Variants in ZBTB1 observed in about 807,000 individuals in gnomAD.
The protein encoded by ZBTB1 is zinc finger and BTB domain containing 1.
In ZBTB1, 13 loss-of-function variants were observed where a neutral mutation model predicts 51.6. That is an observed-to-expected ratio of 0.25 (90% CI 0.16 to 0.40). The LOEUF is 0.40. Ranked by LOEUF, ZBTB1 falls within the 10% of genes least tolerant of loss-of-function variation. The pLI is 1.00. For missense variants in ZBTB1, 567 were observed against 856.5 expected (o/e 0.66, Z 4.22); for synonymous variants, 240 against 282.2 (o/e 0.85, Z 1.50).
chr14:64,507,060 C>T, intron 1 of ZBTB1, among the ~76,000 whole-genome samples: 1 of 152,174 alleles, frequency 6.6e-6, no homozygotes, highest in East Asian at 1.9e-4. Context: ...GAAGTACCTG[C>T]TTTCAGACTT....
In ZBTB1 at chr14:64,504,773, G is replaced by C. The variant is rs2079611844; in HGVS notation, c.-192G>C. 1 of 378,878 alleles carries C rather than the reference G, an allele frequency of 2.6e-6. No individual in the cohort carries two copies. The highest frequency in any genetic ancestry group is 4.7e-6 in the Non-Finnish European group (1 of 213,550). 23.5% of individuals were successfully genotyped at this position (378,878 alleles called of 1,614,324 possible). ...TGTGCGGCAGCGGAAGTCCTTTGTT[G>C]CAGCACAGTCCCTGGCAGAGCCAGA... On this transcript the variant is annotated 5_prime_UTR_variant, in exon 1 of 2. Coordinates refer to ENST00000683701, the MANE Select transcript of ZBTB1 (RefSeq NM_001123329.2).
At chr14:64,503,944 C>A (rs1453006), upstream of ZBTB1, 1 of 152,170 alleles carries the variant, frequency 6.6e-6, no homozygotes, top group African/African-American at 2.4e-5. Context: ...CTCTGAGTGC[C>A]GCCGCCACAG....
downstream of ZBTB1, among the ~76,000 whole-genome samples, chr14:64,529,323 T>A (rs2079926349): frequency 6.6e-6 from 1 of 152,212 alleles, no homozygotes; most frequent in African/African-American, 2.4e-5. Context: ...CTTTATGTTT[T>A]AATCTCTCCC....
At chr14:64,518,274 T>C (rs1289404749) in intron 1 of ZBTB1, 1 of 152,240 alleles carries the variant, frequency 6.6e-6, no homozygotes, top group Non-Finnish European at 1.5e-5. Context: ...CATTGCTTTT[T>C]GTATTTAGAT....
intron 1 of ZBTB1, among the ~76,000 whole-genome samples, chr14:64,509,728 T>TG (rs2079703753): frequency 1.3e-5 from 2 of 151,816 alleles, no homozygotes; most frequent in African/African-American, 4.8e-5. Context: ...TCCCAGCACT[T>TG]TGGGAGGCCA....
At chr14:64,527,241 A>C (rs996802604), downstream of ZBTB1, among the ~76,000 whole-genome samples, 1 of 152,074 alleles carries the variant, frequency 6.6e-6, no homozygotes, top group East Asian at 1.9e-4. Context: ...TTGGGAGGCC[A>C]AGGTGGGTGG....
chr14:64,524,226 A>G lies in ZBTB1; in HGVS notation c.*580A>G. The G allele has an allele frequency of 3.0e-6, 3 of 985,152 alleles. No homozygotes were observed. The highest frequency in any genetic ancestry group is 3.6e-6 in the Non-Finnish European group (3 of 829,738). The allele number at this position is 985,152 out of a possible 1,614,324, so 61.0% of individuals were successfully genotyped here. A position where few individuals can be genotyped will look rare whatever the true frequency, so the allele number is the denominator to read the frequency against. On this transcript the variant is annotated 3_prime_UTR_variant, in exon 2 of 2. Transcript: ENST00000683701. ...GACATGGGCTCAAACTTGGCCTAAAAAGATTGATGAACCTGAGGAAATTTT... is the reference window on the plus strand; with the variant it reads ...GACATGGGCTCAAACTTGGCCTAAAGAGATTGATGAACCTGAGGAAATTTT...
downstream of ZBTB1, among the ~76,000 whole-genome samples, chr14:64,525,662 G>A (rs1191533142): frequency 6.6e-6 from 1 of 152,006 alleles, no homozygotes; most frequent in Non-Finnish European, 1.5e-5. Flanking sequence ...TTGAAGAAAC[G>A]ATTATCTATT....
At position 64,504,940 on chromosome 14, in the gene ZBTB1, G is replaced by A. The variant is rs886590898; in HGVS notation, c.-25G>A. 5.1e-6 allele frequency: 2 copies of A among 395,520 alleles called. No individual in the cohort carries two copies. The highest frequency in any genetic ancestry group is 4.5e-6 in the Non-Finnish European group (1 of 223,732). The allele number at this position is 395,520 out of a possible 1,614,324, so 24.5% of individuals were successfully genotyped here. A position where few individuals can be genotyped will look rare whatever the true frequency, so the allele number is the denominator to read the frequency against. On this transcript the variant is annotated 5_prime_UTR_variant, in exon 1 of 2. Transcript: ENST00000683701. Reference sequence around the variant, plus strand: ...AATCTCCGCAGCTCTGGTTCCTGTTGCGGCCGGTAAGTATTTGCCAGTTGT... The same window carrying A: ...AATCTCCGCAGCTCTGGTTCCTGTTACGGCCGGTAAGTATTTGCCAGTTGT...
At chr14:64,504,580 A>C, upstream of ZBTB1, 1 of 225,658 alleles carries the variant, frequency 4.4e-6, no homozygotes, top group Non-Finnish European at 8.6e-6. Context: ...TCGACGCAGA[A>C]ACTTGTTGCA....
intron 1 of ZBTB1, among the ~76,000 whole-genome samples, chr14:64,518,922 ATATATATATATATAGTATGATACCATT>A (rs1413949293): frequency 1.4e-5 from 2 of 142,468 alleles, no homozygotes; most frequent in Non-Finnish European, 3.0e-5. Context: ...ATATATATAT[ATATATATATATATAGTATGATACCATT>A]TAGGTTAAAA....
downstream of ZBTB1, among the ~76,000 whole-genome samples, chr14:64,529,743 C>A (rs1358578501): frequency 1.3e-5 from 2 of 152,148 alleles, no homozygotes; most frequent in Non-Finnish European, 2.9e-5. Context: ...TGCACTCCAG[C>A]CTGGGCAACA....
rs1344188217 is a variant in ZBTB1 at position 64,520,989 on chromosome 14, G to A, written c.-18-498G>A. Among the ~76,000 whole-genome samples the A allele has an allele frequency of 2.0e-5, 3 of 151,946 alleles. No individual in the cohort carries two copies. In the East Asian group the frequency reaches 5.8e-4, roughly 29 times the overall value. ...TGATCCACCCACTTTAGCCTCCCAA[G>A]TAACTGGGACTACAGGTGATGCCAC... On this transcript the variant is annotated intron_variant, in intron 1 of 1. Coordinates refer to ENST00000683701, the MANE Select transcript of ZBTB1 (RefSeq NM_001123329.2).
chr14:64,531,717 G>A (rs1167206651), intron 2 of ZBTB1: 12 of 819,836 alleles, frequency 1.5e-5, no homozygotes, highest in Non-Finnish European at 2.1e-5. Context: ...GGCTATGCTT[G>A]TGTTTCTATT....
chr14:64,505,071 G>C, intron 1 of ZBTB1, 125 bp downstream of exon 1: 1 of 365,796 alleles, frequency 2.7e-6, no homozygotes, highest in Non-Finnish European at 4.9e-6. Flanking sequence ...CCGGAGCGCG[G>C]CGGACGCGCT....
downstream of ZBTB1, among the ~76,000 whole-genome samples, chr14:64,526,351 C>T (rs1350019146): frequency 2.6e-5 from 4 of 152,216 alleles, no homozygotes. Flanking sequence ...GCAGAGCTGT[C>T]ATTCCTTGCT....
upstream of ZBTB1, among the ~76,000 whole-genome samples, chr14:64,504,263 G>C (rs2079597231): frequency 6.9e-6 from 1 of 145,464 alleles, no homozygotes; most frequent in South Asian, 2.1e-4. Flanking sequence ...GGTGGGGTCG[G>C]GGGGGCGCGG....
Position 64,521,909 on chromosome 14 carries a change from C to G in ZBTB1, c.405C>G (p.Asn135Lys), listed in dbSNP as rs1176451344. ...CCTCTTCTGCTTCCAGCAAACAGAA[C>G]AGCAAAATGATATTTGGGGTAAGAA... is the stretch of plus-strand genomic sequence containing the variant. Reference protein sequence around the residue: ...KCSSSASSKQNSKMIFGVRMY... With the variant: ...KCSSSASSKQKSKMIFGVRMY... Residue 135 changes from asparagine (N) to lysine (K), a missense_variant, in exon 2 of 2, where the codon AAC becomes AAG. This residue lies in a region of ZBTB1 where 74 missense variants were observed against 74.9 expected (regional missense o/e 0.99). Transcript: ENST00000683701. 3.1e-6 allele frequency: 5 copies of G among 1,614,104 alleles called. No individual in the cohort carries two copies. Among genetic ancestry groups the G allele is most frequent in the Non-Finnish European group, 4.2e-6 (5 of 1,180,026 alleles).
chr14:64,505,302 G>A (rs2079631883), intron 1 of ZBTB1: 1 of 171,476 alleles, frequency 5.8e-6, no homozygotes, highest in African/African-American at 2.4e-5. Context: ...CGTGCCTAGA[G>A]CCCGCTTCTC....
Sources: allele counts gnomAD v4.1 joint callset (sites outside exome capture counted in the v4.1 genomes callset), GRCh38; gene constraint gnomAD v4.1.1; regional missense constraint gnomAD v4.1.1; transcripts MANE v1.5; gene names NCBI Gene and HGNC (gene_info 2026-07-23, HGNC 2026-07-21).